Variants in LMO7 observed in about 807,000 individuals in gnomAD.
LMO7 encodes LIM domain 7.
LMO7 carries 120 observed loss-of-function variants against 206.5 expected under a neutral mutation model. That is an observed-to-expected ratio of 0.58 (90% CI 0.50 to 0.68). The LOEUF is 0.68. Among genes scored for constraint, LMO7 ranks in the 30% least tolerant of loss-of-function variants. LMO7 has a pLI of 0.00. For missense variants in LMO7, 1,959 were observed against 1,957.9 expected (o/e 1.00, Z -0.01); for synonymous variants, 706 against 681.5 (o/e 1.04, Z -0.56).
intron 1 of LMO7, among the ~76,000 whole-genome samples, chr13:75,650,181 G>A (rs1222725846): frequency 2.0e-5 from 3 of 151,732 alleles, no homozygotes; most frequent in Non-Finnish European, 4.4e-5. Context: ...CCAGGTTGGA[G>A]TGCAGTGGCG....
At chr13:75,795,362 T>A (rs1403355310) in intron 4 of LMO7, 39 bp from the exon 5 acceptor site, 2 of 1,398,476 alleles carry the variant, frequency 1.4e-6, no homozygotes. Flanking sequence ...AATTTAAGGT[T>A]CACGGATATT....
At chr13:75,765,585 G>C (rs1240332110) in intron 4 of LMO7, among the ~76,000 whole-genome samples, 1 of 152,008 alleles carries the variant, frequency 6.6e-6, no homozygotes, top group East Asian at 1.9e-4. Context: ...TACTGGAAGG[G>C]ATGGAACATT....
intron 9 of LMO7, chr13:75,806,667 A>T (rs960037690): frequency 5.3e-5 from 8 of 152,228 alleles, no homozygotes; most frequent in African/African-American, 1.9e-4. Context: ...AGATTCCTTG[A>T]GCTCTTTTAT....
At chr13:75,796,800 C>T (rs1457145944) in intron 6 of LMO7, 51 bp downstream of exon 6, 1 of 1,075,622 alleles carries the variant, frequency 9.3e-7, no homozygotes, top group Non-Finnish European at 1.4e-6. Flanking sequence ...AGTATCACTG[C>T]TTTCCCTTCC....
intron 4 of LMO7, among the ~76,000 whole-genome samples, chr13:75,763,500 G>A (rs923386802): frequency 6.6e-6 from 1 of 152,150 alleles, no homozygotes; most frequent in Non-Finnish European, 1.5e-5. Flanking sequence ...GTTTAAATGG[G>A]AAGGTGCATT....
intron 1 of LMO7, among the ~76,000 whole-genome samples, chr13:75,701,157 G>T (rs1248853381): frequency 2.6e-5 from 1 of 38,282 alleles, no homozygotes; most frequent in Non-Finnish European, 4.9e-5. Context: ...CTTCTGGAAG[G>T]TTGACATGTA....
intron 1 of LMO7, chr13:75,623,227 C>A: frequency 1.1e-6 from 1 of 911,654 alleles, no homozygotes; most frequent in Non-Finnish European, 1.8e-6. Context: ...CATTTTTTTT[C>A]TGTATTGGTT....
intron 3 of LMO7, among the ~76,000 whole-genome samples, chr13:75,733,125 C>T (rs1392118385): frequency 2.6e-5 from 4 of 152,194 alleles, no homozygotes; most frequent in East Asian, 1.9e-4. Context: ...TCTCCAGCTG[C>T]GTGCTGGGAG....
At chr13:75,822,762 C>CTATATATATATA (rs66789925) in intron 14 of LMO7, among the ~76,000 whole-genome samples, 256 of 108,396 alleles carry the variant, frequency 2.4e-3, no homozygotes, top group East Asian at 6.0e-3. Context: ...TTTTTAGAAA[C>CTATATATATATA]TATATATATA....
intron 3 of LMO7, among the ~76,000 whole-genome samples, chr13:75,731,512 C>A (rs1481899359): frequency 6.6e-6 from 1 of 151,996 alleles, no homozygotes; most frequent in Non-Finnish European, 1.5e-5. Flanking sequence ...TTATTTTGAG[C>A]CTATGTGTGT....
chr13:75,756,896 C>T (rs1252710963), intron 3 of LMO7, among the ~76,000 whole-genome samples: 1 of 152,138 alleles, frequency 6.6e-6, no homozygotes, highest in Non-Finnish European at 1.5e-5. Context: ...GTGTATTTTG[C>T]ACATGGTTGG....
chr13:75,762,981 A>G (rs2048385061), intron 4 of LMO7, among the ~76,000 whole-genome samples: 1 of 152,206 alleles, frequency 6.6e-6, no homozygotes, highest in South Asian at 2.1e-4. Flanking sequence ...TAAAGGAAGC[A>G]GATTTAAAGA....
At chr13:75,645,333 G>A (rs2036915219) in intron 1 of LMO7, among the ~76,000 whole-genome samples, 1 of 152,126 alleles carries the variant, frequency 6.6e-6, no homozygotes, top group African/African-American at 2.4e-5. Context: ...TGTGTGAACA[G>A]GGAAAGAAAT....
In LMO7 at chr13:75,835,070, TTA is replaced by T. The variant is rs2059008194; in HGVS notation, c.3227-155_3227-154del. The T allele has an allele frequency of 1.9e-5, 15 of 778,940 alleles. No individual in the cohort carries two copies. In the South Asian group the frequency reaches 6.4e-4, roughly 33 times the overall value. 48.3% of individuals were successfully genotyped at this position (778,940 alleles called of 1,614,324 possible). On this transcript the variant is annotated intron_variant, in intron 17 of 30. Transcript: ENST00000377534. The stretch of plus-strand genomic sequence containing the variant: ...TTGTCTTGTATATGTAGATTTTTTT[TTA>T]TATATATGTGCATTCAATGACTTTA...
At chr13:75,625,907 G>C (rs1382836715) in intron 2 of LMO7, among the ~76,000 whole-genome samples, 1 of 152,198 alleles carries the variant, frequency 6.6e-6, no homozygotes, top group African/African-American at 2.4e-5. Flanking sequence ...TCTTGAGGAA[G>C]TACCAGACCT....
intron 1 of LMO7, among the ~76,000 whole-genome samples, chr13:75,703,548 T>C (rs1408339099): frequency 2.0e-5 from 3 of 152,176 alleles, no homozygotes; most frequent in Non-Finnish European, 2.9e-5. Context: ...TGCTACCACA[T>C]AGGGTTGCTA....
chr13:75,853,229 C>A lies in LMO7; in HGVS notation c.4502C>A (p.Thr1501Lys). The stretch of plus-strand genomic sequence containing the variant: ...CGCCCACCACCTCAGCTGGTGTCCA[C>A]ATCAAACCGTGCCTACATGCGGAAC... ...FSRPPPQLVS[T>K]SNRAYMRNPS... The change falls in exon 28 of 31, where the codon ACA becomes AAA. Residue 1501 changes from threonine to lysine, a missense_variant. Coordinates refer to ENST00000377534, the MANE Select transcript of LMO7 (RefSeq NM_001306080.2). The A allele has an allele frequency of 4.3e-6, 7 of 1,614,184 alleles. No individual in the cohort carries two copies. Among genetic ancestry groups the A allele is most frequent in the Non-Finnish European group, 5.9e-6 (7 of 1,180,026 alleles).
At chr13:75,690,326 C>T in intron 1 of LMO7, among the ~76,000 whole-genome samples, 1 of 152,024 alleles carries the variant, frequency 6.6e-6, no homozygotes, top group Non-Finnish European at 1.5e-5. Context: ...GCTGGGGGGT[C>T]TTCTCTGCTT....
intron 3 of LMO7, among the ~76,000 whole-genome samples, chr13:75,742,961 TGCAA>T (rs2046531525): frequency 6.6e-6 from 1 of 152,198 alleles, no homozygotes. Context: ...AGAAAATTTT[TGCAA>T]ACTATGCATC....
Sources: gnomAD v4.1 joint callset for allele counts (sites outside exome capture counted in the v4.1 genomes callset) on GRCh38, gnomAD v4.1.1 for gene constraint, MANE v1.5 for transcripts, NCBI Gene and HGNC (gene_info 2026-07-23, HGNC 2026-07-21) for gene names.